The following NOTCH2 variants were observed in gnomAD, a reference collection of about 807,000 sequenced individuals.
The protein encoded by NOTCH2 is neurogenic locus notch homolog protein 2.
A neutral mutation model predicts 235.8 loss-of-function variants in NOTCH2; 29 were observed. That is an observed-to-expected ratio of 0.12 (90% CI 0.09 to 0.17). The LOEUF (loss-of-function observed/expected upper bound fraction) is 0.17, where lower values mean the gene tolerates loss of function less well. NOTCH2 is among the 10% of genes least tolerant of loss of function. The probability of loss-of-function intolerance (pLI) is 1.00; values close to 1 mark genes in which losing one functional copy is unlikely to be tolerated. For missense variants in NOTCH2, 2,285 were observed against 3,150.2 expected, an observed-to-expected ratio of 0.73 and a Z score of 6.57; for synonymous variants, 1,086 against 1,141.5, an observed-to-expected ratio of 0.95 and a Z score of 0.98.
intron 17 of NOTCH2, 41 bp from the exon 18 acceptor site, chr1:119,941,795 T>C (rs1016302501): frequency 6.3e-6 from 9 of 1,421,662 alleles, no homozygotes; most frequent in African/African-American, 4.2e-5. Flanking sequence ...AAGAGTAGCA[T>C]CAGTTTAATC....
chr1:119,986,135 T>C (rs1570717083), intron 5 of NOTCH2, among the ~76,000 whole-genome samples: 1 of 152,372 alleles, frequency 6.6e-6, no homozygotes, highest in Non-Finnish European at 1.5e-5. Flanking sequence ...TTGTAGGAGA[T>C]AGCCCACTAC....
intron 11 of NOTCH2, among the ~76,000 whole-genome samples, chr1:119,961,447 G>T (rs1381524259): frequency 6.6e-6 from 1 of 152,138 alleles, no homozygotes; most frequent in African/African-American, 2.4e-5. Flanking sequence ...AAGATGCCTG[G>T]ATCAAGCCAG....
chr1:119,973,120 T>C (rs1651432003), intron 5 of NOTCH2, among the ~76,000 whole-genome samples: 2 of 152,184 alleles, frequency 1.3e-5, no homozygotes, highest in South Asian at 4.1e-4. Flanking sequence ...GACAGGAAAT[T>C]TAGAGATCCA....
rs965860945 is a variant in NOTCH2 at position 119,913,041 on chromosome 1, G to A, written c.*2265C>T. On this transcript the variant is annotated 3_prime_UTR_variant, in exon 34 of 34. Transcript: ENST00000256646. ...TGATACTTTCAGAAGTGGGGCTGGA[G>A]CAGGAGGGCAGAAAGGGGCAGGTAC... The A allele has an allele frequency of 4.3e-6, 1 of 233,558 alleles. No individual in the cohort carries two copies. Among genetic ancestry groups the A allele is most frequent in the Non-Finnish European group, 8.5e-6 (1 of 118,202 alleles). The allele number at this position is 233,558 out of a possible 1,614,324, so 14.5% of individuals were successfully genotyped here.
Position 119,913,663 on chromosome 1 carries a change from G to A in NOTCH2, c.*1643C>T, listed in dbSNP as rs1481609086. 2.6e-5 allele frequency: 6 copies of A among 233,174 alleles called. No homozygotes were observed. Among genetic ancestry groups the A allele is most frequent in the African/African-American group, 1.3e-4 (6 of 45,346 alleles). The allele number at this position is 233,174 out of a possible 1,614,324, so 14.4% of individuals were successfully genotyped here. ...AAATTGCCAAGAGCATGAATACAGA[G>A]AGTGGATTCAGGTGAGGGGCAATCA... On this transcript the variant is annotated 3_prime_UTR_variant, in exon 34 of 34. Transcript: ENST00000256646.
chr1:120,042,959 G>T (rs1233512615), intron 1 of NOTCH2, among the ~76,000 whole-genome samples: 1 of 148,964 alleles, frequency 6.7e-6, no homozygotes, highest in African/African-American at 2.5e-5. Flanking sequence ...CTCTCAAGGA[G>T]TAACTCTAAT....
intron 2 of NOTCH2, among the ~76,000 whole-genome samples, chr1:120,015,095 T>C (rs1361414236): frequency 2.7e-5 from 4 of 150,630 alleles, no homozygotes; most frequent in African/African-American, 4.9e-5. Context: ...AAGAGAGGCA[T>C]GCTTTACAAA....
intron 5 of NOTCH2, among the ~76,000 whole-genome samples, chr1:119,980,636 A>T (rs1487961668): frequency 6.6e-6 from 1 of 152,186 alleles, no homozygotes; most frequent in Non-Finnish European, 1.5e-5. Flanking sequence ...AATATTTTGC[A>T]GTTATCATTT....
At chr1:119,953,449 GA>G in intron 14 of NOTCH2, 93 bp downstream of exon 14, 1 of 1,363,924 alleles carries the variant, frequency 7.3e-7, no homozygotes, top group Non-Finnish European at 1.0e-6. Flanking sequence ...ACGAATGAAT[GA>G]AAAAGAGAAA....
intron 1 of NOTCH2, chr1:120,068,915 C>T (rs1279079509): frequency 4.9e-6 from 4 of 817,372 alleles, no homozygotes; most frequent in African/African-American, 2.0e-5. Context: ...GGCCCTGCCC[C>T]CGCTCTCCAC....
chr1:119,950,815 A>T lies in NOTCH2; in HGVS notation c.2388T>A (p.Ile796=), dbSNP rs138943874. ...GFKGYNCQVN[I]DECASNPCLN... Reference sequence around the variant, plus strand: ...GGCATGGATTTGAGGCACATTCATCAATATTCACCTGGCAGTTATAGCCTG... The same window carrying T: ...GGCATGGATTTGAGGCACATTCATCTATATTCACCTGGCAGTTATAGCCTG... The change falls in exon 15 of 34, where the codon ATT becomes ATA. Residue 796 remains isoleucine (I), a synonymous_variant. Coordinates refer to ENST00000256646, the MANE Select transcript of NOTCH2 (RefSeq NM_024408.4). 86 of 1,613,550 alleles carry T rather than the reference A, an allele frequency of 5.3e-5. No individual in the cohort carries two copies. The highest frequency in any genetic ancestry group is 3.3e-4 in the Middle Eastern group (2 of 6,062).
At position 119,920,312 on chromosome 1, in the gene NOTCH2, A is replaced by C; in HGVS notation, c.5396T>G (p.Ile1799Ser). The change falls in exon 30 of 34, where the codon ATC becomes AGC. Residue 1799 changes from isoleucine to serine, a missense_variant. Coordinates refer to ENST00000256646, the MANE Select transcript of NOTCH2 (RefSeq NM_024408.4). ...WTQQHLEAAD[I>S]RRTPSLALTP... The stretch of plus-strand genomic sequence containing the variant: ...GAGAGCCAGCGATGGTGTCCTACGG[A>C]TGTCTGCAGCTTCAAGGTGCTGCTG... The C allele has an allele frequency of 6.2e-7, 1 of 1,614,124 alleles. No individual in the cohort carries two copies. The highest frequency in any genetic ancestry group is 8.5e-7 in the Non-Finnish European group (1 of 1,180,008).
chr1:119,927,607 A>G (rs1360606944), intron 23 of NOTCH2, among the ~76,000 whole-genome samples: 1 of 152,054 alleles, frequency 6.6e-6, no homozygotes, highest in Non-Finnish European at 1.5e-5. Context: ...AGTGGTCTCC[A>G]TTCCTTCCTT....
rs905253904 is a variant in NOTCH2 at position 119,914,645 on chromosome 1, C to T, written c.*661G>A. On this transcript the variant is annotated 3_prime_UTR_variant, in exon 34 of 34. Coordinates refer to ENST00000256646, the MANE Select transcript of NOTCH2 (RefSeq NM_024408.4). ...ACAGTATGTCCATTTTCCAAAGAAACAACATACTTGAAAGGTTTGTGCTGA... is the reference window on the plus strand; with the variant it reads ...ACAGTATGTCCATTTTCCAAAGAAATAACATACTTGAAAGGTTTGTGCTGA... The T allele has an allele frequency of 4.2e-6, 1 of 238,998 alleles. No individual in the cohort carries two copies. The highest frequency in any genetic ancestry group is 1.3e-3 in the Middle Eastern group (1 of 786). 14.8% of individuals were successfully genotyped at this position (238,998 alleles called of 1,614,324 possible).
chr1:119,945,251 A>T (rs1650211899), intron 17 of NOTCH2, among the ~76,000 whole-genome samples: 1 of 152,184 alleles, frequency 6.6e-6, no homozygotes, highest in Non-Finnish European at 1.5e-5. Flanking sequence ...AAATTTATGT[A>T]TGTAGATAAA....
rs782358968 is a variant in NOTCH2 at position 119,959,353 on chromosome 1, A to G, written c.2026+39T>C. The stretch of plus-strand genomic sequence containing the variant: ...TTGGATGCTATATTCCCAAAGTGAT[A>G]GGGCTGAAGGAGGGGCCTTGCAGTA... On this transcript the variant is annotated intron_variant, in intron 12 of 33. Transcript: ENST00000256646. The G allele has an allele frequency of 2.1e-5, 22 of 1,055,908 alleles. No individual in the cohort carries two copies. The South Asian group carries it at 2.6e-4, about 13-fold the overall frequency. The allele number at this position is 1,055,908 out of a possible 1,614,324, so 65.4% of individuals were successfully genotyped here. A position where few individuals can be genotyped will look rare whatever the true frequency, so the allele number is the denominator to read the frequency against.
chr1:119,978,568 C>T (rs1381655240), intron 5 of NOTCH2, among the ~76,000 whole-genome samples: 2 of 152,304 alleles, frequency 1.3e-5, no homozygotes, highest in East Asian at 1.9e-4. Flanking sequence ...GGGCAGATTC[C>T]GGAGGCAGCA....
In NOTCH2 at chr1:119,937,966, A is replaced by G. The variant is rs781988393; in HGVS notation, c.3228T>C (p.Gly1076=). 2.8e-5 allele frequency: 46 copies of G among 1,614,060 alleles called. No homozygotes were observed. The highest frequency in any genetic ancestry group is 3.8e-5 in the Non-Finnish European group (45 of 1,180,030). Residue 1076 remains glycine (G), a synonymous_variant, in exon 20 of 34, where the codon GGT becomes GGC. Transcript: ENST00000256646. The part of the protein sequence containing the change: ...LCSRSPCKNK[G]TCVQKKAESQ... Reference sequence around the variant, plus strand: ...ACTCTGCTTTTTTCTGAACGCAAGTACCTTTGTTTTTACATGGAGACCGAC... The same window carrying G: ...ACTCTGCTTTTTTCTGAACGCAAGTGCCTTTGTTTTTACATGGAGACCGAC...
intron 21 of NOTCH2, 125 bp downstream of exon 21, chr1:119,937,157 G>T: frequency 2.1e-6 from 2 of 953,152 alleles, no homozygotes; most frequent in East Asian, 2.5e-5. Context: ...CATTATGACG[G>T]GGATTGGTAA....
Sources: gnomAD v4.1 joint callset for allele counts (sites outside exome capture counted in the v4.1 genomes callset) on GRCh38, gnomAD v4.1.1 for gene constraint, MANE v1.5 for transcripts, NCBI Gene and HGNC (gene_info 2026-07-23, HGNC 2026-07-21) for gene names.